Variants in THADA observed in about 807,000 individuals in gnomAD.
The protein encoded by THADA is THADA armadillo repeat containing, also known as tRNA (32-2'-O)-methyltransferase regulator THADA.
Under a neutral mutation model 219.8 loss-of-function variants are expected in THADA, and 213 were observed. The ratio of observed to expected loss-of-function variants is 0.97; its 90% CI spans 0.87 to 1.09. The LOEUF is 1.09. THADA is among the 50% of genes least tolerant of loss of function. The pLI, the probability that THADA is intolerant of heterozygous loss-of-function variation, is 0.00. For synonymous variants in THADA, 1,018 were observed against 828.9 expected (o/e 1.23, Z -3.92); for missense variants, 2,956 against 2,311.3 (o/e 1.28, Z -5.72).
chr2:43,592,561 T>C (rs1701688246), intron 1 of THADA, 145 bp from the exon 2 acceptor site: 1 of 494,244 alleles, frequency 2.0e-6, no homozygotes. Flanking sequence ...TAGATGCCAG[T>C]GGCACCCTCC....
intron 30 of THADA, among the ~76,000 whole-genome samples, chr2:43,341,401 A>G (rs914591811): frequency 2.6e-5 from 4 of 152,138 alleles, no homozygotes; most frequent in African/African-American, 9.7e-5. Flanking sequence ...GAAAACAGCA[A>G]TAGGGACCAC....
intron 25 of THADA, among the ~76,000 whole-genome samples, 158 bp from the exon 26 acceptor site, chr2:43,485,483 T>G (rs1018616686): frequency 3.9e-5 from 6 of 151,982 alleles, no homozygotes; most frequent in African/African-American, 1.2e-4. Context: ...AAAAAAAAAC[T>G]TGACAGTCAT....
At chr2:43,322,624 G>A (rs2104468673) in intron 30 of THADA, among the ~76,000 whole-genome samples, 1 of 150,608 alleles carries the variant, frequency 6.6e-6, no homozygotes, top group Non-Finnish European at 1.5e-5. Flanking sequence ...CTGTTCTCGA[G>A]GCAACCGCTA....
chr2:43,533,981 T>A (rs1345252341), intron 21 of THADA, among the ~76,000 whole-genome samples: 1 of 152,154 alleles, frequency 6.6e-6, no homozygotes, highest in Non-Finnish European at 1.5e-5. Context: ...CCACAAATGA[T>A]TAAAATAATA....
At chr2:43,368,281 A>C (rs555495263) in intron 29 of THADA, among the ~76,000 whole-genome samples, 1 of 152,192 alleles carries the variant, frequency 6.6e-6, no homozygotes, top group Non-Finnish European at 1.5e-5. Flanking sequence ...AGTTCATTTT[A>C]TATCATATAC....
At chr2:43,492,090 ATTG>A (rs1424948824) in intron 25 of THADA, 8 of 152,264 alleles carry the variant, frequency 5.3e-5, no homozygotes, top group African/African-American at 1.9e-4. Flanking sequence ...AGGCAGATGG[ATTG>A]CTTGAGGTCA....
chr2:43,552,695 C>T (rs972581657), intron 17 of THADA, among the ~76,000 whole-genome samples: 9 of 152,048 alleles, frequency 5.9e-5, no homozygotes, highest in Non-Finnish European at 1.2e-4. Flanking sequence ...AGATGTAATT[C>T]ATATGCCACA....
At chr2:43,458,171 G>A (rs1187919942) in intron 26 of THADA, among the ~76,000 whole-genome samples, 1 of 152,158 alleles carries the variant, frequency 6.6e-6, no homozygotes, top group Non-Finnish European at 1.5e-5. Flanking sequence ...AATGGATGAT[G>A]TTGCAAGATA....
intron 29 of THADA, among the ~76,000 whole-genome samples, chr2:43,360,896 G>C (rs1200669415): frequency 1.3e-5 from 2 of 152,196 alleles, no homozygotes; most frequent in Non-Finnish European, 2.9e-5. Flanking sequence ...ACTAATACTA[G>C]ACTGATACTT....
intron 23 of THADA, among the ~76,000 whole-genome samples, chr2:43,507,942 T>C (rs747288950): frequency 6.6e-6 from 1 of 152,172 alleles, no homozygotes; most frequent in Non-Finnish European, 1.5e-5. Context: ...GAGCAAGCAG[T>C]GTGTATGTTT....
chr2:43,584,815 A>G (rs995598612), intron 7 of THADA, among the ~76,000 whole-genome samples: 131 of 152,206 alleles, frequency 8.6e-4, no homozygotes, highest in African/African-American at 2.9e-3. Context: ...AGGATTGAAG[A>G]CAGGAAGACT....
chr2:43,247,262 T>A (rs1380111408), intron 36 of THADA, among the ~76,000 whole-genome samples: 16 of 151,874 alleles, frequency 1.1e-4, no homozygotes, highest in Non-Finnish European at 2.4e-4. Context: ...ATGAAAAAAA[T>A]TCAAAGTAAC....
chr2:43,444,598 C>T (rs1411164751), intron 26 of THADA, among the ~76,000 whole-genome samples: 1 of 152,268 alleles, frequency 6.6e-6, no homozygotes, highest in South Asian at 2.1e-4. Context: ...CTCATAGAAA[C>T]CCTGTCTTCA....
chr2:43,449,381 A>C (rs1046195682), intron 26 of THADA, among the ~76,000 whole-genome samples: 6 of 152,254 alleles, frequency 3.9e-5, no homozygotes, highest in African/African-American at 1.4e-4. Flanking sequence ...GAAGAGAGAG[A>C]GAGAAAGAGG....
At chr2:43,487,832 G>C (rs1687097901) in intron 25 of THADA, among the ~76,000 whole-genome samples, 2 of 152,124 alleles carry the variant, frequency 1.3e-5, no homozygotes, top group African/African-American at 2.4e-5. Context: ...GGACTTTCCA[G>C]CCTCCAAACT....
intron 28 of THADA, among the ~76,000 whole-genome samples, chr2:43,424,725 C>G (rs1678193697): frequency 6.6e-6 from 1 of 152,198 alleles, no homozygotes; most frequent in African/African-American, 2.4e-5. Flanking sequence ...CTGTGGTAGG[C>G]TGATGAAACC....
At chr2:43,400,824 G>T (rs1428494430) in intron 28 of THADA, among the ~76,000 whole-genome samples, 4 of 152,078 alleles carry the variant, frequency 2.6e-5, no homozygotes, top group Non-Finnish European at 5.9e-5. Context: ...AGAATTACAG[G>T]CCTGTGAGTA....
intron 36 of THADA, among the ~76,000 whole-genome samples, chr2:43,272,817 G>A (rs1209412775): frequency 2.0e-5 from 3 of 151,642 alleles, no homozygotes; most frequent in African/African-American, 7.3e-5. Flanking sequence ...GAAGAGACAG[G>A]GTCTCCCCAT....
Position 43,593,797 on chromosome 2 carries a change from C to T in THADA, c.-24-1381G>A, listed in dbSNP as rs537724336. On this transcript the variant is annotated intron_variant, in intron 1 of 37. Transcript: ENST00000405975. ...TACAGGCGCCCGCCACCACGCCCGG[C>T]TAATTTTTTCTATTTTTAGTAGAGA... 2.3e-3 allele frequency among the ~76,000 whole-genome samples: 349 copies of T among 152,202 alleles called. 3 individuals are homozygous for T. The highest frequency in any genetic ancestry group is 8.2e-3 in the African/African-American group (341 of 41,550).
Sources: gnomAD v4.1 joint callset for allele counts (sites outside exome capture counted in the v4.1 genomes callset) on GRCh38, gnomAD v4.1.1 for gene constraint, MANE v1.5 for transcripts, NCBI Gene and HGNC (gene_info 2026-07-23, HGNC 2026-07-21) for gene names.